SLC25A24: variants seen among roughly 807,000 people sequenced by gnomAD.
SLC25A24 encodes mitochondrial adenyl nucleotide antiporter SLC25A24.
SLC25A24 carries 49 observed loss-of-function variants against 60.7 expected under a neutral mutation model. The ratio of observed to expected loss-of-function variants is 0.81; its 90% CI spans 0.64 to 1.02. The LOEUF is 1.02. Ranked by LOEUF, SLC25A24 falls within the 50% of genes least tolerant of loss-of-function variation. The pLI is 0.00. For missense variants in SLC25A24, 564 were observed against 586.3 expected, an observed-to-expected ratio of 0.96 and a Z score of 0.39; for synonymous variants, 202 against 200.6, an observed-to-expected ratio of 1.01 and a Z score of -0.06.
intron 7 of SLC25A24, among the ~76,000 whole-genome samples, chr1:108,144,601 C>A (rs933538234): frequency 1.4e-4 from 22 of 152,050 alleles, no homozygotes; most frequent in African/African-American, 4.1e-4. Flanking sequence ...CCCAAAAAGG[C>A]CCCAGTGTGT....
intron 6 of SLC25A24, among the ~76,000 whole-genome samples, chr1:108,150,970 G>GCAGGAGGACCACCTGAGGT (rs1679739145): frequency 2.0e-5 from 3 of 151,134 alleles, no homozygotes; most frequent in Non-Finnish European, 4.4e-5. Flanking sequence ...GGAGGCTGAG[G>GCAGGAGGACCACCTGAGGT]CAGGAGGACC....
intron 8 of SLC25A24, among the ~76,000 whole-genome samples, chr1:108,142,189 G>C (rs563377974): frequency 6.6e-6 from 1 of 152,258 alleles, no homozygotes; most frequent in South Asian, 2.1e-4. Flanking sequence ...TGTAAGTGCA[G>C]CCACTATGGA....
At chr1:108,157,715 A>C in intron 4 of SLC25A24, 95 bp from the exon 5 acceptor site, 2 of 1,354,766 alleles carry the variant, frequency 1.5e-6, no homozygotes, top group South Asian at 1.4e-5. Flanking sequence ...TTTTACAGTT[A>C]ATATGAACTT....
At chr1:108,155,216 C>T (rs1206413393) in intron 5 of SLC25A24, 81 bp from the exon 6 acceptor site, 2 of 1,249,670 alleles carry the variant, frequency 1.6e-6, no homozygotes, top group Non-Finnish European at 2.2e-6. Flanking sequence ...CAATCTTTTT[C>T]AATACCCTTT....
At chr1:108,185,678 A>G in intron 2 of SLC25A24, 150 bp downstream of exon 2, 1 of 587,010 alleles carries the variant, frequency 1.7e-6, no homozygotes, top group Non-Finnish European at 2.9e-6. Flanking sequence ...TATAAACTCT[A>G]CATAAAAATC....
At chr1:108,153,165 C>G (rs895535542) in intron 6 of SLC25A24, among the ~76,000 whole-genome samples, 1 of 152,124 alleles carries the variant, frequency 6.6e-6, no homozygotes, top group Admixed American at 6.5e-5. Context: ...ACCACAAGAA[C>G]ACTACCCCAC....
chr1:108,167,091 G>C (rs1571296560), intron 3 of SLC25A24, among the ~76,000 whole-genome samples: 1 of 151,976 alleles, frequency 6.6e-6, no homozygotes, highest in Admixed American at 6.6e-5. Flanking sequence ...GTGCCTCCCA[G>C]TTAGGCTGCT....
In SLC25A24 at chr1:108,192,644, C is replaced by A. The variant is rs373408325; in HGVS notation, c.184-6690G>T. On this transcript the variant is annotated intron_variant, in intron 1 of 9. Transcript: ENST00000565488. ...CATCGAGGATGTCTCCCTCGCAGCT[C>A]CGCGGCCTGAGTGAGCCCCAGCGGG... 8 of 1,489,676 alleles carry A rather than the reference C, an allele frequency of 5.4e-6. 2 individuals are homozygous for A. The highest frequency in any genetic ancestry group is 5.4e-6 in the Non-Finnish European group (6 of 1,109,694). The allele number at this position is 1,489,676 out of a possible 1,614,324, so 92.3% of individuals were successfully genotyped here.
At chr1:108,187,925 TAG>T (rs938411544) in intron 1 of SLC25A24, among the ~76,000 whole-genome samples, 7 of 122,198 alleles carry the variant, frequency 5.7e-5, no homozygotes, top group Non-Finnish European at 1.2e-4. Flanking sequence ...TAAGACATTA[TAG>T]ATATATATAT....
intron 1 of SLC25A24, 187 bp downstream of exon 1, chr1:108,199,769 C>A (rs748625547): frequency 4.0e-5 from 24 of 598,976 alleles, no homozygotes; most frequent in Non-Finnish European, 6.5e-5. Context: ...TTATGACCCA[C>A]TTCTGTTACC....
At position 108,172,031 on chromosome 1, in the gene SLC25A24, A is replaced by AAGG. The variant is rs1440538078; in HGVS notation, c.398+9907_398+9909dup. 9.8e-5 allele frequency among the ~76,000 whole-genome samples: 15 copies of AAGG among 152,348 alleles called. No homozygotes were observed. The South Asian group carries it at 2.9e-3, about 29-fold the overall frequency. Reference sequence around the variant, plus strand: ...GCATAGTCAAAGAATAACTGGAGTGAAGGGTTCCAAGCTTCTGAACAATTC... The same window carrying AAGG: ...GCATAGTCAAAGAATAACTGGAGTGAAGGAGGGTTCCAAGCTTCTGAACAATTC... On this transcript the variant is annotated intron_variant, in intron 3 of 9. Coordinates refer to ENST00000565488, the MANE Select transcript of SLC25A24 (RefSeq NM_013386.5).
chr1:108,137,147 T>C (rs1679313362), intron 9 of SLC25A24, among the ~76,000 whole-genome samples: 1 of 152,124 alleles, frequency 6.6e-6, no homozygotes, highest in Non-Finnish European at 1.5e-5. Context: ...AATTGGAGGC[T>C]TAGAAAGATG....
In SLC25A24 at chr1:108,186,256, C is replaced by T. The variant is rs565066464; in HGVS notation, c.184-302G>A. Reference sequence around the variant, plus strand: ...AATTTCTTGACATGTACTTTATAAACCCCAAGATAGAAGACAACCACTTGA... The same window carrying T: ...AATTTCTTGACATGTACTTTATAAATCCCAAGATAGAAGACAACCACTTGA... On this transcript the variant is annotated intron_variant, in intron 1 of 9. Transcript: ENST00000565488. Among the ~76,000 whole-genome samples the T allele has an allele frequency of 3.3e-5, 5 of 152,208 alleles. No homozygotes were observed. In the South Asian group the frequency reaches 8.3e-4, roughly 25 times the overall value.
chr1:108,143,666 A>G lies in SLC25A24; in HGVS notation c.975T>C (p.Ser325=), dbSNP rs764849340. ...TCTTCTTGGCACAATCATATATTCC[A>G]GAGTACTGCCCAGTTTTGCCTACAG... ...RLAVGKTGQY[S]GIYDCAKKIL... is the part of the protein sequence containing the mutation. Residue 325 remains serine (S), a synonymous_variant, in exon 8 of 10, where the codon TCT becomes TCC. Transcript: ENST00000565488. The G allele has an allele frequency of 5.7e-5, 92 of 1,613,834 alleles. No individual in the cohort carries two copies. In the South Asian group the frequency reaches 9.8e-4, roughly 17 times the overall value.
intron 1 of SLC25A24, among the ~76,000 whole-genome samples, chr1:108,194,650 T>C (rs1051904504): frequency 1.3e-5 from 2 of 152,150 alleles, no homozygotes; most frequent in African/African-American, 2.4e-5. Flanking sequence ...TTGCTTATTA[T>C]TTTTTATTCC....
chr1:108,159,160 G>T (rs1679985340), intron 4 of SLC25A24, among the ~76,000 whole-genome samples: 1 of 152,192 alleles, frequency 6.6e-6, no homozygotes, highest in South Asian at 2.1e-4. Context: ...AAGTTTGGTG[G>T]AAAACAAACT....
In SLC25A24 at chr1:108,138,195, G is replaced by A. The variant is rs182843913; in HGVS notation, c.1249+863C>T. On this transcript the variant is annotated intron_variant, in intron 9 of 9. Coordinates refer to ENST00000565488, the MANE Select transcript of SLC25A24 (RefSeq NM_013386.5). ...AACGTCTTCTCTACTCTACACTGGC[G>A]GGGCCACACCTGACTTGTTGACTGC... 1.4e-3 allele frequency among the ~76,000 whole-genome samples: 219 copies of A among 152,274 alleles called. 1 individual carries two copies. The highest frequency in any genetic ancestry group is 0.014 in the Middle Eastern group (4 of 294).
At chr1:108,181,686 TA>T (rs1390302535) in intron 3 of SLC25A24, among the ~76,000 whole-genome samples, 6 of 152,288 alleles carry the variant, frequency 3.9e-5, no homozygotes, top group African/African-American at 1.4e-4. Context: ...TCTATGGAGT[TA>T]AAACCTTACT....
chr1:108,196,867 G>A (rs934756841), intron 1 of SLC25A24, among the ~76,000 whole-genome samples: 12 of 152,124 alleles, frequency 7.9e-5, no homozygotes, highest in Non-Finnish European at 1.5e-4. Flanking sequence ...TGCGTAAAGA[G>A]AAAATAACTG....
Sources: gnomAD v4.1 joint callset for allele counts (sites outside exome capture counted in the v4.1 genomes callset) on GRCh38, gnomAD v4.1.1 for gene constraint, MANE v1.5 for transcripts, NCBI Gene and HGNC (gene_info 2026-07-23, HGNC 2026-07-21) for gene names.